The following RAP1GAP2 variants were observed in gnomAD, a reference collection of about 807,000 sequenced individuals.
RAP1GAP2 encodes the protein RAP1 GTPase activating protein 2.
RAP1GAP2 carries 27 observed loss-of-function variants against 95.0 expected under a neutral mutation model. The ratio of observed to expected loss-of-function variants is 0.28; its 90% CI spans 0.21 to 0.39. The LOEUF is 0.39. Among genes scored for constraint, RAP1GAP2 ranks in the 10% least tolerant of loss-of-function variants. The probability of loss-of-function intolerance (pLI) is 1.00; values close to 1 mark genes in which losing one functional copy is unlikely to be tolerated. For missense variants in RAP1GAP2, 771 were observed against 970.0 expected, an observed-to-expected ratio of 0.79 and a Z score of 2.72; for synonymous variants, 373 against 380.9, an observed-to-expected ratio of 0.98 and a Z score of 0.24.
intron 2 of RAP1GAP2, among the ~76,000 whole-genome samples, chr17:2,829,021 C>T (rs1262104664): frequency 8.2e-6 from 1 of 122,624 alleles, no homozygotes; most frequent in Non-Finnish European, 1.6e-5. Flanking sequence ...CTCGCTCTGT[C>T]GCCCAGGCTG....
intron 2 of RAP1GAP2, 28 bp downstream of exon 2, chr17:2,800,578 G>T (rs1248501019): frequency 1.2e-6 from 2 of 1,608,370 alleles, no homozygotes; most frequent in Non-Finnish European, 1.7e-6. Flanking sequence ...GTTCTGTAAA[G>T]GTCAGAGATG....
chr17:2,814,628 G>A (rs148264642), intron 2 of RAP1GAP2, among the ~76,000 whole-genome samples: 11 of 152,202 alleles, frequency 7.2e-5, no homozygotes, highest in African/African-American at 2.4e-4. Flanking sequence ...AGCCTCTAGC[G>A]TGCCCAGCTC....
At chr17:2,973,020 G>C (rs142419378) in intron 8 of RAP1GAP2, among the ~76,000 whole-genome samples, 1 of 152,194 alleles carries the variant, frequency 6.6e-6, no homozygotes, top group East Asian at 1.9e-4. Context: ...TAGTGAGGCT[G>C]ATGGGAGACG....
At chr17:2,985,808 C>G (rs989640578) in intron 11 of RAP1GAP2, among the ~76,000 whole-genome samples, 2 of 152,064 alleles carry the variant, frequency 1.3e-5, no homozygotes, top group African/African-American at 4.8e-5. Context: ...TAAAGAACCC[C>G]CAAGGTAAAG....
chr17:2,804,575 G>A (rs546807803), intron 2 of RAP1GAP2, among the ~76,000 whole-genome samples: 2 of 152,312 alleles, frequency 1.3e-5, no homozygotes, highest in South Asian at 2.1e-4. Context: ...ATCCGTGGCC[G>A]CAGAATGCAC....
intron 16 of RAP1GAP2, 98 bp downstream of exon 16, chr17:3,006,139 T>G (rs573622753): frequency 1.1e-5 from 11 of 1,016,500 alleles, no homozygotes; most frequent in Admixed American, 9.4e-5. Flanking sequence ...TTTTTTTTTT[T>G]TTTTTGAGAC....
chr17:2,904,569 T>TGTGTGTGTGTGTGTGTGTG lies in RAP1GAP2; in HGVS notation c.81-715_81-714insGTGTGTGTGTGTGTGTGTG, dbSNP rs3039132. Among the ~76,000 whole-genome samples the TGTGTGTGTGTGTGTGTGTG allele has an allele frequency of 6.7e-6, 1 of 150,200 alleles. No homozygotes were observed. Among genetic ancestry groups the TGTGTGTGTGTGTGTGTGTG allele is most frequent in the Non-Finnish European group, 1.5e-5 (1 of 67,388 alleles). ...GTGTGTGTGTGTGTGTGTGTGTGTGTACGTGCAGAGGGGCTCAAGGGAGAA... is the reference window on the plus strand; with the variant it reads ...GTGTGTGTGTGTGTGTGTGTGTGTGTGTGTGTGTGTGTGTGTGTGACGTGCAGAGGGGCTCAAGGGAGAA... On this transcript the variant is annotated intron_variant, in intron 2 of 24. Coordinates refer to ENST00000254695, the MANE Select transcript of RAP1GAP2 (RefSeq NM_015085.5). This position sits in a 1 kb window ranked among gnomAD's most constrained non-coding sequence, Gnocchi z 4.7.
At chr17:2,811,381 C>T (rs965658339) in intron 2 of RAP1GAP2, among the ~76,000 whole-genome samples, 7 of 152,292 alleles carry the variant, frequency 4.6e-5, no homozygotes, top group Admixed American at 2.6e-4. Context: ...AGGGCAGGGT[C>T]GGGACGTGAG....
At chr17:2,962,430 T>C (rs2044374675) in intron 4 of RAP1GAP2, 2 of 495,896 alleles carry the variant, frequency 4.0e-6, no homozygotes, top group Middle Eastern at 5.2e-4. Flanking sequence ...GGTGGCAGTG[T>C]TGGGATTTGA....
At chr17:2,865,184 C>CTACA (rs1410474964) in intron 2 of RAP1GAP2, among the ~76,000 whole-genome samples, 1 of 152,144 alleles carries the variant, frequency 6.6e-6, no homozygotes, top group Admixed American at 6.5e-5. Context: ...CACCCCCGTG[C>CTACA]TACAGTCCAA....
chr17:2,786,941 C>T (rs2068793584), intron 1 of RAP1GAP2, among the ~76,000 whole-genome samples: 2 of 145,764 alleles, frequency 1.4e-5, no homozygotes, highest in South Asian at 4.3e-4. Context: ...GCCATCGCTC[C>T]CAGCCTTTTT....
At chr17:3,014,448 G>A (rs182003255) in intron 17 of RAP1GAP2, among the ~76,000 whole-genome samples, 67 of 152,206 alleles carry the variant, frequency 4.4e-4, no homozygotes, top group Non-Finnish European at 4.9e-4. Flanking sequence ...GTGTGGTGCT[G>A]GACTGGATTG....
chr17:2,894,647 A>G (rs889822782), intron 2 of RAP1GAP2, among the ~76,000 whole-genome samples: 2 of 145,962 alleles, frequency 1.4e-5, no homozygotes, highest in African/African-American at 5.1e-5. Flanking sequence ...TCGCAAAGCG[A>G]CTCTCCTCCT....
At chr17:2,767,834 G>A (rs937724253) in intron 1 of RAP1GAP2, among the ~76,000 whole-genome samples, 2 of 150,994 alleles carry the variant, frequency 1.3e-5, no homozygotes, top group African/African-American at 2.4e-5. Flanking sequence ...CCAGGTTCAC[G>A]CTATTCTCCT....
chr17:2,936,103 C>CT (rs34892554), intron 3 of RAP1GAP2, among the ~76,000 whole-genome samples: 2,789 of 143,668 alleles, frequency 0.019, 90 homozygotes, highest in African/African-American at 0.063. Context: ...AGTTTTGCCT[C>CT]TTTTTTTTTT....
intron 3 of RAP1GAP2, among the ~76,000 whole-genome samples, chr17:2,947,022 TG>T (rs1278886758): frequency 1.3e-5 from 2 of 152,148 alleles, no homozygotes; most frequent in African/African-American, 4.8e-5. Context: ...CCCAAAGTGT[TG>T]GGATTACAGG....
At chr17:2,860,796 G>A (rs1247389509) in intron 2 of RAP1GAP2, among the ~76,000 whole-genome samples, 2 of 151,546 alleles carry the variant, frequency 1.3e-5, no homozygotes, top group Non-Finnish European at 2.9e-5. Flanking sequence ...AGTAGAGATG[G>A]GGTTTCACCA....
At chr17:2,989,371 C>T (rs759747514) in intron 11 of RAP1GAP2, among the ~76,000 whole-genome samples, 1 of 152,082 alleles carries the variant, frequency 6.6e-6, no homozygotes, top group Non-Finnish European at 1.5e-5. Flanking sequence ...CTCACTCTGT[C>T]ACCCAGGCTG....
At chr17:2,920,610 C>G (rs1004233376) in intron 3 of RAP1GAP2, among the ~76,000 whole-genome samples, 1 of 152,176 alleles carries the variant, frequency 6.6e-6, no homozygotes, top group Non-Finnish European at 1.5e-5. Flanking sequence ...ATTTATAGAA[C>G]GGAGCTCACC....
Sources: gnomAD v4.1 joint callset for allele counts (sites outside exome capture counted in the v4.1 genomes callset) on GRCh38, gnomAD v4.1.1 for gene constraint, Gnocchi (gnomAD v3.1) non-coding constraint, MANE v1.5 for transcripts, NCBI Gene and HGNC (gene_info 2026-07-23, HGNC 2026-07-21) for gene names.